LMOD2: variants seen among roughly 807,000 people sequenced by gnomAD.
LMOD2 encodes leiomodin 2.
Under a neutral mutation model 41.7 loss-of-function variants are expected in LMOD2, and 27 were observed. That is an observed-to-expected ratio of 0.65 (90% confidence interval 0.48 to 0.89). LMOD2 has a LOEUF of 0.89. Among genes scored for constraint, LMOD2 ranks in the 40% least tolerant of loss-of-function variants. The pLI, the probability that LMOD2 is intolerant of heterozygous loss-of-function variation, is 0.00. For synonymous variants in LMOD2, 251 were observed against 244.6 expected (o/e 1.03, Z -0.25); for missense variants, 624 against 667.9 (o/e 0.93, Z 0.72).
At chr7:123,659,294 C>G (rs1223546440) in intron 1 of LMOD2, among the ~76,000 whole-genome samples, 3 of 152,186 alleles carry the variant, frequency 2.0e-5, no homozygotes, top group Non-Finnish European at 4.4e-5. Flanking sequence ...AGGGTTAATG[C>G]CAAAGCAGTG....
chr7:123,663,370 G>A (rs532752868), intron 2 of LMOD2, 167 bp downstream of exon 2: 74 of 861,740 alleles, frequency 8.6e-5, no homozygotes, highest in Non-Finnish European at 1.2e-4. Context: ...AGGCACACAA[G>A]TGAGCACATT....
At position 123,663,068 on chromosome 7, in the gene LMOD2, G is replaced by C; in HGVS notation, c.1482G>C (p.Lys494Asn). 3 of 1,558,178 alleles carry C rather than the reference G, an allele frequency of 1.9e-6. No homozygotes were observed. Among genetic ancestry groups the C allele is most frequent in the South Asian group, 2.4e-5 (2 of 84,286 alleles). ...KVKKQPNSILKEIKNSLRSVQ... is the reference protein window; with the variant it reads ...KVKKQPNSILNEIKNSLRSVQ... ...AGAAACAGCCAAACAGTATTCTAAA[G>C]GAAATAAAAAATTCTCTGAGGTCAG... Residue 494 changes from lysine to asparagine, a missense_variant, in exon 2 of 3, where the codon AAG becomes AAC. Coordinates refer to ENST00000458573, the MANE Select transcript of LMOD2 (RefSeq NM_207163.3).
chr7:123,661,721 C>T (rs767659536), intron 1 of LMOD2, 139 bp from the exon 2 acceptor site: 1 of 566,176 alleles, frequency 1.8e-6, no homozygotes, highest in Non-Finnish European at 3.0e-6. Flanking sequence ...GAGAACTAGA[C>T]AGAATGGAAG....
In LMOD2 at chr7:123,663,675, T is replaced by A. The variant is rs371304604; in HGVS notation, c.1618-44T>A. 7 of 1,531,238 alleles carry A rather than the reference T, an allele frequency of 4.6e-6. No homozygotes were observed. The Admixed American group carries it at 5.8e-5, about 13-fold the overall frequency. 94.9% of individuals were successfully genotyped at this position (1,531,238 alleles called of 1,614,324 possible). ...ATATCCTACAGATATTTTTCACTTA[T>A]CATGTGTGTTGTTTCATTGAGAGAA... On this transcript the variant is annotated intron_variant, in intron 2 of 2. Transcript: ENST00000458573.
intron 1 of LMOD2, 29 bp downstream of exon 1, chr7:123,656,265 A>G: frequency 6.3e-7 from 1 of 1,578,276 alleles, no homozygotes; most frequent in Non-Finnish European, 8.6e-7. Flanking sequence ...TCCTTGGCTA[A>G]CCCCACCTCC....
At position 123,662,048 on chromosome 7, in the gene LMOD2, T is replaced by C. The variant is rs61999290; in HGVS notation, c.462T>C (p.Asp154=). 13,942 of 1,592,700 alleles carry C rather than the reference T, an allele frequency of 8.8e-3. 100 individuals are homozygous for C. Among genetic ancestry groups the C allele is most frequent in the Non-Finnish European group, 0.011 (12,406 of 1,168,620 alleles). Residue 154 remains aspartate, a synonymous_variant, in exon 2 of 3, where the codon GAT becomes GAC. Coordinates refer to ENST00000458573, the MANE Select transcript of LMOD2 (RefSeq NM_207163.3). The surrounding 1 kb of genome is among the most constrained non-coding windows in gnomAD (Gnocchi z 4.0). The stretch of plus-strand genomic sequence containing the variant: ...GGATTAATGGAACTGTAAATTATGA[T>C]AGTGTCAATTCTGACAACTCTAAGC... ...AKGINGTVNY[D]SVNSDNSKPK... is the part of the protein sequence containing the mutation.
At chr7:123,663,377 C>T in intron 2 of LMOD2, 174 bp downstream of exon 2, 1 of 841,328 alleles carries the variant, frequency 1.2e-6, no homozygotes, top group East Asian at 2.7e-5. Context: ...CAAGTGAGCA[C>T]ATTTCTATTT....
Position 123,663,934 on chromosome 7 carries a change from TTC to T in LMOD2, c.*191_*192del, listed in dbSNP as rs1263433764. The stretch of plus-strand genomic sequence containing the variant: ...TTCTTCTGTAAATATGAAAATAAAT[TTC>T]TTTTTTATGTCGTGAGATTTGTATT... On this transcript the variant is annotated 3_prime_UTR_variant, in exon 3 of 3. Coordinates refer to ENST00000458573, the MANE Select transcript of LMOD2 (RefSeq NM_207163.3). 8.6e-6 allele frequency: 5 copies of T among 578,618 alleles called. No individual in the cohort carries two copies. Among genetic ancestry groups the T allele is most frequent in the Non-Finnish European group, 1.5e-5 (5 of 334,914 alleles). The allele number at this position is 578,618 out of a possible 1,614,324, so 35.8% of individuals were successfully genotyped here. A position where few individuals can be genotyped will look rare whatever the true frequency, so the allele number is the denominator to read the frequency against.
rs541634033 is a variant in LMOD2 at position 123,656,104 on chromosome 7, C to T, written c.141C>T (p.Pro47=). 2.3e-4 allele frequency: 378 copies of T among 1,611,358 alleles called. 1 individual carries two copies. The South Asian group carries it at 3.5e-3, about 15-fold the overall frequency. Residue 47 remains proline (P), a synonymous_variant, in exon 1 of 3, where the codon CCC becomes CCT. Transcript: ENST00000458573. The part of the protein sequence containing the change: ...LEDIEPDRNL[P]VGLRQKSLTE... The stretch of plus-strand genomic sequence containing the variant: ...ACATTGAACCTGACCGCAACCTTCC[C>T]GTGGGGCTAAGGCAAAAGAGCCTGA...
At position 123,656,010 on chromosome 7, in the gene LMOD2, T is replaced by C. The variant is rs1312191642; in HGVS notation, c.47T>C (p.Ile16Thr). ...AGAGGACTCAGTAAATACGAATCCA[T>C]CGACGAGGATGAACTCCTCGCCTCC... ...YRRGLSKYESIDEDELLASLS... is the reference protein window; with the variant it reads ...YRRGLSKYESTDEDELLASLS... The change falls in exon 1 of 3, where the codon ATC becomes ACC. Residue 16 changes from isoleucine (I) to threonine (T), a missense_variant. Ile to Thr is a moderately conservative substitution (Grantham distance 89). Transcript: ENST00000458573. 1 of 1,609,304 alleles carries C rather than the reference T, an allele frequency of 6.2e-7. No homozygotes were observed. The highest frequency in any genetic ancestry group is 8.5e-7 in the Non-Finnish European group (1 of 1,178,102).
chr7:123,661,485 T>C (rs952693167), intron 1 of LMOD2, among the ~76,000 whole-genome samples: 1 of 152,208 alleles, frequency 6.6e-6, no homozygotes, highest in African/African-American at 2.4e-5. Flanking sequence ...ATTTGCTACA[T>C]TGTAAGTAAA....
At chr7:123,660,309 T>C (rs867296225) in intron 1 of LMOD2, among the ~76,000 whole-genome samples, 2 of 134,708 alleles carry the variant, frequency 1.5e-5, no homozygotes, top group African/African-American at 2.9e-5. Context: ...TCTCTCTCCC[T>C]CTCTCTCTCT....
At position 123,662,635 on chromosome 7, in the gene LMOD2, G is replaced by T. The variant is rs1271258248; in HGVS notation, c.1049G>T (p.Arg350Ile). Residue 350 changes from arginine (R) to isoleucine (I), a missense_variant, in exon 2 of 3, where the codon AGA becomes ATA. Coordinates refer to ENST00000458573, the MANE Select transcript of LMOD2 (RefSeq NM_207163.3). The surrounding 1 kb of genome is among the most constrained non-coding windows in gnomAD (Gnocchi z 4.0). ...ATGAGCATGACGAGCATTTTGACAA[G>T]AAATATGGATAAACAGAGGCAAAAA... ...PRMSMTSILT[R>I]NMDKQRQKRL... The T allele has an allele frequency of 6.2e-7, 1 of 1,614,000 alleles. No individual in the cohort carries two copies. Among genetic ancestry groups the T allele is most frequent in the Admixed American group, 1.7e-5 (1 of 60,022 alleles).
At chr7:123,661,788 T>C in intron 1 of LMOD2, 72 bp from the exon 2 acceptor site, 3 of 1,012,986 alleles carry the variant, frequency 3.0e-6, no homozygotes, top group Non-Finnish European at 4.2e-6. Context: ...TGTGCTACTT[T>C]TGCAAGTTAA....
chr7:123,661,818 T>C, intron 1 of LMOD2, 42 bp from the exon 2 acceptor site: 1 of 1,289,348 alleles, frequency 7.8e-7, no homozygotes, highest in Non-Finnish European at 1.0e-6. Flanking sequence ...TTAAAAATGG[T>C]ATCATTTTTA....
chr7:123,657,114 A>G (rs1199644807), intron 1 of LMOD2, among the ~76,000 whole-genome samples: 1 of 152,198 alleles, frequency 6.6e-6, no homozygotes, highest in Non-Finnish European at 1.5e-5. Flanking sequence ...TCAGGCCTAT[A>G]AAGCTCTTGT....
Position 123,662,068 on chromosome 7 carries a change from C to G in LMOD2, c.482C>G (p.Ser161Cys), listed in dbSNP as rs1199624610. The change falls in exon 2 of 3, where the codon TCT becomes TGT. Residue 161 changes from serine (S) to cysteine (C), a missense_variant. By Grantham distance (112) the Ser-to-Cys change is moderately radical. Transcript: ENST00000458573. This position sits in a 1 kb window ranked among gnomAD's most constrained non-coding sequence, Gnocchi z 4.0. ...TATGATAGTGTCAATTCTGACAACT[C>G]TAAGCCAAAGATATTTAAAAGTCAA... is the stretch of plus-strand genomic sequence containing the variant. ...VNYDSVNSDN[S>C]KPKIFKSQIE... 1.2e-6 allele frequency: 2 copies of G among 1,603,746 alleles called. No homozygotes were observed. The highest frequency in any genetic ancestry group is 2.7e-5 in the African/African-American group (2 of 74,814).
intron 1 of LMOD2, among the ~76,000 whole-genome samples, chr7:123,657,341 A>G (rs1055498159): frequency 1.3e-5 from 2 of 152,220 alleles, no homozygotes; most frequent in African/African-American, 4.8e-5. Flanking sequence ...AATGGCCTAA[A>G]GCCAATGGCA....
chr7:123,662,301 A>T lies in LMOD2; in HGVS notation c.715A>T (p.Asn239Tyr), dbSNP rs1802889679. ...CCGCTTTGCTGAAGCCCTCAAGGAC[A>T]ACACTGTGGTGAAGACGTTCAGTCT... ...LTRFAEALKD[N>Y]TVVKTFSLAN... Residue 239 changes from asparagine (N) to tyrosine (Y), a missense_variant, in exon 2 of 3, where the codon AAC becomes TAC. Asn to Tyr is a moderately radical substitution (Grantham distance 143). Coordinates refer to ENST00000458573, the MANE Select transcript of LMOD2 (RefSeq NM_207163.3). This position sits in a 1 kb window ranked among gnomAD's most constrained non-coding sequence, Gnocchi z 4.0. 1 of 1,613,900 alleles carries T rather than the reference A, an allele frequency of 6.2e-7. No individual in the cohort carries two copies. Among genetic ancestry groups the T allele is most frequent in the Admixed American group, 1.7e-5 (1 of 60,012 alleles).
Sources: allele counts gnomAD v4.1 joint callset (sites outside exome capture counted in the v4.1 genomes callset), GRCh38; gene constraint gnomAD v4.1.1; non-coding constraint Gnocchi (gnomAD v3.1); transcripts MANE v1.5; gene names NCBI Gene and HGNC (gene_info 2026-07-23, HGNC 2026-07-21).